The following KCNQ5 variants were observed in gnomAD, a reference collection of about 807,000 sequenced individuals.
The protein encoded by KCNQ5 is potassium voltage-gated channel subfamily KQT member 5.
In KCNQ5, 30 loss-of-function variants were observed where a neutral mutation model predicts 98.2. The observed-to-expected ratio is 0.31, with a 90% CI of 0.23 to 0.41. The LOEUF is 0.41. KCNQ5 is among the 10% of genes least tolerant of loss of function. The probability of loss-of-function intolerance (pLI) is 1.00; values close to 1 mark genes in which losing one functional copy is unlikely to be tolerated. For missense variants in KCNQ5, 835 were observed against 1,182.5 expected (o/e 0.71, Z 4.31); for synonymous variants, 458 against 449.4 (o/e 1.02, Z -0.24).
chr6:72,737,432 T>C (rs1407092006), intron 1 of KCNQ5, among the ~76,000 whole-genome samples: 1 of 152,050 alleles, frequency 6.6e-6, no homozygotes, highest in Non-Finnish European at 1.5e-5. Context: ...ATACAAAGGA[T>C]AAAGGTGTGT....
At chr6:72,760,419 G>A (rs1007458863) in intron 1 of KCNQ5, among the ~76,000 whole-genome samples, 1 of 151,164 alleles carries the variant, frequency 6.6e-6, no homozygotes, top group Non-Finnish European at 1.5e-5. Flanking sequence ...CCAAGTTAAA[G>A]CTAATAGAAT....
intron 1 of KCNQ5, among the ~76,000 whole-genome samples, chr6:72,971,872 A>G (rs1767919658): frequency 6.6e-6 from 1 of 152,166 alleles, no homozygotes; most frequent in Non-Finnish European, 1.5e-5. Flanking sequence ...TAGCATTAGG[A>G]GATATACCTA....
intron 2 of KCNQ5, among the ~76,000 whole-genome samples, chr6:73,006,694 A>G (rs968682674): frequency 6.6e-6 from 1 of 152,174 alleles, no homozygotes; most frequent in Non-Finnish European, 1.5e-5. Context: ...AAAAATGTAC[A>G]ATAAATCCAC....
intron 10 of KCNQ5, chr6:73,134,097 A>T (rs1776359419): frequency 4.8e-6 from 2 of 412,630 alleles, no homozygotes. Context: ...TCTCTCACAC[A>T]CTCCATCTAC....
intron 1 of KCNQ5, among the ~76,000 whole-genome samples, chr6:72,889,128 C>A (rs1231589383): frequency 6.6e-6 from 1 of 152,134 alleles, no homozygotes; most frequent in Non-Finnish European, 1.5e-5. Context: ...ATGAGGGAAC[C>A]TTGCTAAGGA....
intron 1 of KCNQ5, among the ~76,000 whole-genome samples, chr6:72,743,933 T>C (rs1411274072): frequency 6.6e-6 from 1 of 152,204 alleles, no homozygotes; most frequent in Non-Finnish European, 1.5e-5. Context: ...TCTTAGCCCA[T>C]AGGCAGAAGT....
chr6:73,034,705 A>C (rs949097318), intron 2 of KCNQ5, among the ~76,000 whole-genome samples: 3 of 152,222 alleles, frequency 2.0e-5, no homozygotes, highest in Non-Finnish European at 4.4e-5. Context: ...GTATCAATTA[A>C]ATTGAATCAC....
intron 1 of KCNQ5, among the ~76,000 whole-genome samples, chr6:72,988,542 A>C (rs931592064): frequency 1.3e-5 from 2 of 152,050 alleles, no homozygotes; most frequent in African/African-American, 4.8e-5. Context: ...TCAAAAAACT[A>C]CCTACTGGGT....
chr6:72,928,482 A>G (rs1295966731), intron 1 of KCNQ5, among the ~76,000 whole-genome samples: 3 of 152,042 alleles, frequency 2.0e-5, no homozygotes, highest in Non-Finnish European at 1.5e-5. Context: ...ATAATTTTCT[A>G]TTAGTCTTTT....
intron 1 of KCNQ5, among the ~76,000 whole-genome samples, chr6:72,753,301 T>A (rs1467183737): frequency 3.3e-5 from 5 of 152,136 alleles, no homozygotes; most frequent in Admixed American, 2.0e-4. Flanking sequence ...CTTATATTTT[T>A]GAGTTGGATC....
At chr6:73,098,585 A>C (rs990610040) in intron 5 of KCNQ5, among the ~76,000 whole-genome samples, 1 of 152,228 alleles carries the variant, frequency 6.6e-6, no homozygotes, top group Non-Finnish European at 1.5e-5. Context: ...ACAGGCCAGG[A>C]AAGAGTGGCA....
intron 1 of KCNQ5, among the ~76,000 whole-genome samples, chr6:72,849,789 G>A (rs1296454617): frequency 3.9e-5 from 6 of 152,016 alleles, no homozygotes; most frequent in African/African-American, 1.5e-4. Flanking sequence ...ATCCTGTCAG[G>A]TCTTGATCCT....
chr6:72,887,817 A>T (rs1444026373), intron 1 of KCNQ5, among the ~76,000 whole-genome samples: 1 of 152,190 alleles, frequency 6.6e-6, no homozygotes, highest in Non-Finnish European at 1.5e-5. Context: ...AGGAAAAAAA[A>T]CCTAATTAGC....
intron 1 of KCNQ5, among the ~76,000 whole-genome samples, chr6:72,714,590 G>C (rs775957772): frequency 2.0e-5 from 3 of 152,098 alleles, no homozygotes; most frequent in Non-Finnish European, 4.4e-5. Flanking sequence ...GGTTACAAAA[G>C]GACATGAAAA....
intron 1 of KCNQ5, among the ~76,000 whole-genome samples, chr6:72,988,439 G>T (rs1295469244): frequency 1.3e-5 from 2 of 152,090 alleles, no homozygotes; most frequent in Non-Finnish European, 2.9e-5. Flanking sequence ...TTACTTATAA[G>T]TGGATGCTAA....
At chr6:73,161,387 C>A (rs1035410793) in intron 10 of KCNQ5, among the ~76,000 whole-genome samples, 1 of 152,140 alleles carries the variant, frequency 6.6e-6, no homozygotes, top group South Asian at 2.1e-4. Flanking sequence ...TCAGTCCTAG[C>A]GTTTGATAGG....
At chr6:72,713,615 A>G (rs1769485038) in intron 1 of KCNQ5, among the ~76,000 whole-genome samples, 1 of 152,184 alleles carries the variant, frequency 6.6e-6, no homozygotes, top group Non-Finnish European at 1.5e-5. Flanking sequence ...TTGCTAAAAT[A>G]AGAAACTGAT....
At chr6:73,011,326 T>G (rs899232957) in intron 2 of KCNQ5, among the ~76,000 whole-genome samples, 10 of 151,922 alleles carry the variant, frequency 6.6e-5, no homozygotes, top group African/African-American at 2.4e-4. Flanking sequence ...GAATAGAAAG[T>G]CCAGAAATAA....
At chr6:73,148,939 T>TC (rs1777032602) in intron 10 of KCNQ5, among the ~76,000 whole-genome samples, 1 of 152,092 alleles carries the variant, frequency 6.6e-6, no homozygotes, top group South Asian at 2.1e-4. Context: ...TCAGGAAAAA[T>TC]AGTTTTTTGT....
Sources: gnomAD v4.1 joint callset for allele counts (sites outside exome capture counted in the v4.1 genomes callset) on GRCh38, gnomAD v4.1.1 for gene constraint, MANE v1.5 for transcripts, NCBI Gene and HGNC (gene_info 2026-07-23, HGNC 2026-07-21) for gene names.